FAF1: variants seen among roughly 807,000 people sequenced by gnomAD.
FAF1 encodes FAS-associated factor 1.
FAF1 carries 25 observed loss-of-function variants against 92.5 expected under a neutral mutation model. The ratio of observed to expected loss-of-function variants is 0.27; its 90% CI spans 0.20 to 0.38. The LOEUF (loss-of-function observed/expected upper bound fraction) is 0.38, where lower values mean the gene tolerates loss of function less well. Ranked by LOEUF, FAF1 falls within the 10% of genes least tolerant of loss-of-function variation. The pLI, the probability that FAF1 is intolerant of heterozygous loss-of-function variation, is 1.00. For synonymous variants in FAF1, 234 were observed against 273.2 expected (o/e 0.86, Z 1.42); for missense variants, 636 against 793.3 (o/e 0.80, Z 2.38).
intron 4 of FAF1, among the ~76,000 whole-genome samples, chr1:50,752,159 G>A (rs966689695): frequency 2.6e-5 from 4 of 151,966 alleles, no homozygotes; most frequent in African/African-American, 9.7e-5. Context: ...TAGTAGAGAC[G>A]GGGGTCTCGT....
intron 8 of FAF1, among the ~76,000 whole-genome samples, chr1:50,636,033 G>A (rs1653992673): frequency 6.6e-6 from 1 of 152,108 alleles, no homozygotes; most frequent in African/African-American, 2.4e-5. Context: ...AAATGGCATG[G>A]TACAAGAGAA....
At chr1:50,648,865 G>A (rs933884364) in intron 8 of FAF1, among the ~76,000 whole-genome samples, 1 of 152,222 alleles carries the variant, frequency 6.6e-6, no homozygotes, top group Non-Finnish European at 1.5e-5. Context: ...GGCGGAGGTT[G>A]CGGTGAGCCA....
At chr1:50,943,435 G>C (rs922198368) in intron 1 of FAF1, among the ~76,000 whole-genome samples, 11 of 152,248 alleles carry the variant, frequency 7.2e-5, no homozygotes, top group South Asian at 4.2e-4. Flanking sequence ...AGATATATTA[G>C]TTAATTGTAC....
rs901447862 is a variant in FAF1 at position 50,843,135 on chromosome 1, C to T, written c.114+14794G>A. ...CAATTACCTTTGTCTAAAACCAAAA[C>T]CTAAATTTGCTACTTCAACATTCTA... On this transcript the variant is annotated intron_variant, in intron 2 of 18. Coordinates refer to ENST00000396153, the MANE Select transcript of FAF1 (RefSeq NM_007051.3). 7.9e-5 allele frequency among the ~76,000 whole-genome samples: 12 copies of T among 152,236 alleles called. No individual in the cohort carries two copies. The East Asian group carries it at 2.3e-3, about 29-fold the overall frequency.
At chr1:50,767,080 A>G (rs936370888) in intron 4 of FAF1, among the ~76,000 whole-genome samples, 2 of 152,218 alleles carry the variant, frequency 1.3e-5, no homozygotes, top group African/African-American at 4.8e-5. Context: ...ATACAATAAA[A>G]TGATTTGGGA....
chr1:50,641,831 C>T lies in FAF1; in HGVS notation c.744+13611G>A, dbSNP rs141822097. On this transcript the variant is annotated intron_variant, in intron 8 of 18. Coordinates refer to ENST00000396153, the MANE Select transcript of FAF1 (RefSeq NM_007051.3). ...TTTTGAAACTGTTACCAGGCACATA[C>T]ACATTTAGGATCATTCTGTCTTCTG... Among the ~76,000 whole-genome samples the T allele has an allele frequency of 6.6e-3, 1,007 of 152,280 alleles. 4 individuals carry two copies. Among genetic ancestry groups the T allele is most frequent in the Non-Finnish European group, 0.011 (732 of 68,026 alleles).
rs532632775 is a variant in FAF1, at chr1:50,959,525, C to A, written c.45+242G>T. The A allele has an allele frequency of 7.1e-4, 220 of 308,862 alleles. 6 individuals are homozygous for A. The South Asian group carries it at 0.013, about 19-fold the overall frequency. 19.1% of individuals were successfully genotyped at this position (308,862 alleles called of 1,614,324 possible). A position where few individuals can be genotyped will look rare whatever the true frequency, so the allele number is the denominator to read the frequency against. On this transcript the variant is annotated intron_variant, in intron 1 of 18. Transcript: ENST00000396153. ...ACTACACATTCCACACACATTGTAA[C>A]CCAAGTCATTAATACCTCCAATCCC... is the stretch of plus-strand genomic sequence containing the variant.
intron 2 of FAF1, chr1:50,846,924 G>C (rs1205631983): frequency 8.9e-6 from 3 of 336,672 alleles, no homozygotes; most frequent in Non-Finnish European, 1.7e-5. Flanking sequence ...TTACAAGCTT[G>C]GCCTTTTATA....
chr1:50,897,253 AC>A (rs937317456), intron 1 of FAF1, among the ~76,000 whole-genome samples: 1 of 152,208 alleles, frequency 6.6e-6, no homozygotes, highest in African/African-American at 2.4e-5. Context: ...CCCTCATATC[AC>A]TACCCCCTTA....
intron 8 of FAF1, among the ~76,000 whole-genome samples, chr1:50,640,041 T>C (rs1654248931): frequency 6.6e-6 from 1 of 152,138 alleles, no homozygotes; most frequent in Non-Finnish European, 1.5e-5. Context: ...TCATGTACTA[T>C]TCTTTTTATT....
chr1:50,773,110 A>G (rs775807058), intron 4 of FAF1, among the ~76,000 whole-genome samples: 4 of 152,156 alleles, frequency 2.6e-5, no homozygotes, highest in Non-Finnish European at 5.9e-5. Flanking sequence ...TAACACCTAC[A>G]ATTAAAAAAG....
At chr1:50,894,128 G>A (rs557590488) in intron 1 of FAF1, among the ~76,000 whole-genome samples, 94 of 151,794 alleles carry the variant, frequency 6.2e-4, no homozygotes, top group African/African-American at 2.2e-3. Context: ...GTGAAACTCC[G>A]TCTCTACTAA....
intron 7 of FAF1, 52 bp downstream of exon 7, chr1:50,705,734 A>G (rs1451294265): frequency 3.0e-6 from 3 of 1,001,604 alleles, no homozygotes; most frequent in Non-Finnish European, 4.7e-6. Flanking sequence ...AACAGGGTCA[A>G]CATTAGCTAT....
intron 1 of FAF1, among the ~76,000 whole-genome samples, chr1:50,957,451 A>C (rs896623503): frequency 3.5e-5 from 5 of 143,918 alleles, no homozygotes; most frequent in Non-Finnish European, 7.4e-5. Flanking sequence ...TCCCAGGTTC[A>C]CGCCATTCTC....
intron 7 of FAF1, among the ~76,000 whole-genome samples, chr1:50,670,365 G>A (rs1204168666): frequency 6.6e-6 from 1 of 151,980 alleles, no homozygotes; most frequent in Non-Finnish European, 1.5e-5. Context: ...TGGGATTACA[G>A]GTGTGAGCCA....
chr1:50,633,534 C>T (rs1653879459), intron 8 of FAF1, among the ~76,000 whole-genome samples: 1 of 152,190 alleles, frequency 6.6e-6, no homozygotes, highest in Non-Finnish European at 1.5e-5. Flanking sequence ...GGACACTCTA[C>T]TCAAGCTGCC....
At chr1:50,550,240 A>T (rs1376211318) in intron 13 of FAF1, among the ~76,000 whole-genome samples, 1 of 151,544 alleles carries the variant, frequency 6.6e-6, no homozygotes, top group African/African-American at 2.4e-5. Flanking sequence ...AGTCCCAGCT[A>T]CTTGGGAGGC....
At chr1:50,676,022 A>T (rs1465648252) in intron 7 of FAF1, among the ~76,000 whole-genome samples, 1 of 152,214 alleles carries the variant, frequency 6.6e-6, no homozygotes, top group African/African-American at 2.4e-5. Context: ...TGACTTCAAA[A>T]ATCAGTGGGT....
intron 1 of FAF1, among the ~76,000 whole-genome samples, chr1:50,862,492 G>A (rs571384459): frequency 2.6e-5 from 4 of 151,928 alleles, no homozygotes; most frequent in East Asian, 1.9e-4. Flanking sequence ...GTCAGATAGA[G>A]GAATAAGATC....
Sources: gnomAD v4.1 joint callset for allele counts (sites outside exome capture counted in the v4.1 genomes callset) on GRCh38, gnomAD v4.1.1 for gene constraint, MANE v1.5 for transcripts, NCBI Gene and HGNC (gene_info 2026-07-23, HGNC 2026-07-21) for gene names.